The following LYST variants were observed in gnomAD, a reference collection of about 807,000 sequenced individuals.
LYST encodes lysosomal-trafficking regulator.
LYST carries 192 observed loss-of-function variants against 413.6 expected under a neutral mutation model. That is an observed-to-expected ratio of 0.46 (90% CI 0.41 to 0.52). LYST has a LOEUF of 0.52. LYST is among the 20% of genes least tolerant of loss of function. LYST has a pLI of 0.00. For missense variants in LYST, 3,815 were observed against 4,499.9 expected (o/e 0.85, Z 4.35); for synonymous variants, 1,525 against 1,567.3 (o/e 0.97, Z 0.64).
chr1:235,788,860 T>C lies in LYST; in HGVS notation c.4544-15A>G, dbSNP rs777265220. The stretch of plus-strand genomic sequence containing the variant: ...TCTGTCGCTCTCTATAAGAAAAAGA[T>C]GTTAGAATGATCAGTAAAATGGTTC... On this transcript the variant is annotated splice_polypyrimidine_tract_variant and intron_variant, in intron 12 of 52. Transcript: ENST00000389793. 1.9e-6 allele frequency: 3 copies of C among 1,612,382 alleles called. No homozygotes were observed. Among genetic ancestry groups the C allele is most frequent in the East Asian group, 2.2e-5 (1 of 44,802 alleles).
rs769758903 is a variant in LYST at position 235,674,681 on chromosome 1, T to C, written c.11038+2410A>G. On this transcript the variant is annotated intron_variant, in intron 50 of 52. Coordinates refer to ENST00000389793, the MANE Select transcript of LYST (RefSeq NM_000081.4). The surrounding 1 kb of genome is among the most constrained non-coding windows in gnomAD (Gnocchi z 4.1). The stretch of plus-strand genomic sequence containing the variant: ...CTACCAGTCAGATGGCTTAGGAAAA[T>C]AGAATAGCCCTTAACATAATATTGG... Among the ~76,000 whole-genome samples, 22 of 152,108 alleles carry C rather than the reference T, an allele frequency of 1.4e-4. No homozygotes were observed. The highest frequency in any genetic ancestry group is 2.5e-4 in the Non-Finnish European group (17 of 67,978).
rs574759874 is a variant in LYST at position 235,720,723 on chromosome 1, G to C, written c.9498C>G (p.Phe3166Leu). The C allele has an allele frequency of 1.4e-5, 23 of 1,613,600 alleles. No homozygotes were observed. The highest frequency in any genetic ancestry group is 3.3e-5 in the Admixed American group (2 of 60,028). ...SFNDLMQYPV[F>L]PFILADYVSE... Reference sequence around the variant, plus strand: ...TAACGTAGTCAGCAAGTATAAATGGGAACACAGGATACTGCATGAGATCAT... The same window carrying C: ...TAACGTAGTCAGCAAGTATAAATGGCAACACAGGATACTGCATGAGATCAT... Residue 3166 changes from phenylalanine (F) to leucine (L), a missense_variant, in exon 40 of 53, where the codon TTC becomes TTG. This residue lies in a region of LYST where 866 missense variants were observed against 1,156.0 expected (regional missense o/e 0.75). Coordinates refer to ENST00000389793, the MANE Select transcript of LYST (RefSeq NM_000081.4).
intron 31 of LYST, chr1:235,738,302 G>T: frequency 6.2e-7 from 1 of 1,611,836 alleles, no homozygotes. Context: ...CACATCGCAA[G>T]AGGGAGAAAG....
rs1024539240 is a variant in LYST, at chr1:235,802,207, A to C, written c.3712+701T>G. ...AGACTCCATTTCAAAAAAAAAAAAA[A>C]AAAAAAAAAAAAACTAGCAGTACTG... On this transcript the variant is annotated intron_variant, in intron 8 of 52. Transcript: ENST00000389793. Among the ~76,000 whole-genome samples, 10 of 150,732 alleles carry C rather than the reference A, an allele frequency of 6.6e-5. No individual in the cohort carries two copies. In the East Asian group the frequency reaches 1.4e-3, roughly 20 times the overall value.
chr1:235,799,472 C>T (rs1361560334), intron 10 of LYST, among the ~76,000 whole-genome samples: 1 of 152,124 alleles, frequency 6.6e-6, no homozygotes, highest in Admixed American at 6.6e-5. Flanking sequence ...TATCATAAGT[C>T]CTTTTGATAT....
At chr1:235,716,867 G>A in intron 40 of LYST, 89 bp from the exon 41 acceptor site, 1 of 752,782 alleles carries the variant, frequency 1.3e-6, no homozygotes, top group Non-Finnish European at 2.4e-6. Context: ...AAGTAGGTAA[G>A]TGGTCAACAA....
chr1:235,724,799 T>C (rs1314464320), intron 38 of LYST, among the ~76,000 whole-genome samples: 2 of 152,234 alleles, frequency 1.3e-5, no homozygotes, highest in Admixed American at 6.5e-5. Flanking sequence ...GGTTGGCTTC[T>C]TTTACTAAGC....
rs1032833880 is a variant in LYST, at chr1:235,822,440, T to C, written c.192+7786A>G. Among the ~76,000 whole-genome samples, 12 of 152,340 alleles carry C rather than the reference T, an allele frequency of 7.9e-5. No individual in the cohort carries two copies. In the East Asian group the frequency reaches 2.1e-3, roughly 27 times the overall value. On this transcript the variant is annotated intron_variant, in intron 3 of 52. Transcript: ENST00000389793. ...CTTACTCCTATCTCATTATTGTATATAGGGCATATGCGGAGCAGATAACCT... is the reference window on the plus strand; with the variant it reads ...CTTACTCCTATCTCATTATTGTATACAGGGCATATGCGGAGCAGATAACCT...
rs995818869 is a variant in LYST, at chr1:235,705,230, C to T, written c.10144-2253G>A. ...AATTCAGAGTCTCTGCACTTAATCG[C>T]CATACTTTGTTTTGCCCCATTAAAT... On this transcript the variant is annotated intron_variant, in intron 44 of 52. Transcript: ENST00000389793. Among the ~76,000 whole-genome samples, 3 of 152,108 alleles carry T rather than the reference C, an allele frequency of 2.0e-5. No individual in the cohort carries two copies. The East Asian group carries it at 5.8e-4, about 29-fold the overall frequency.
chr1:235,724,005 T>C lies in LYST; in HGVS notation c.9315+23A>G, dbSNP rs770018136. 8.7e-6 allele frequency: 14 copies of C among 1,601,206 alleles called. No individual in the cohort carries two copies. In the Admixed American group the frequency reaches 2.3e-4, roughly 27 times the overall value. On this transcript the variant is annotated intron_variant, in intron 39 of 52. Coordinates refer to ENST00000389793, the MANE Select transcript of LYST (RefSeq NM_000081.4). The stretch of plus-strand genomic sequence containing the variant: ...CCCATGAGCACTTAAACAATATATA[T>C]CAATTAATAAGGGTGAATTTACCTT...
At position 235,753,224 on chromosome 1, in the gene LYST, A is replaced by G. The variant is rs1342845950; in HGVS notation, c.7280T>C (p.Val2427Ala). 1 of 1,610,816 alleles carries G rather than the reference A, an allele frequency of 6.2e-7. No homozygotes were observed. Among genetic ancestry groups the G allele is most frequent in the South Asian group, 1.1e-5 (1 of 91,006 alleles). Reference protein sequence around the residue: ...RNMGLFQKWSVIPILGLIETS... With the variant: ...RNMGLFQKWSAIPILGLIETS... ...CTCTATTAGTCCCAGAATAGGAATG[A>G]CAGACCACTTCTGAAACAATCCCAT... Residue 2427 changes from valine to alanine, a missense_variant, in exon 26 of 53, where the codon GTC (valine) becomes GCC (alanine). Coordinates refer to ENST00000389793, the MANE Select transcript of LYST (RefSeq NM_000081.4).
intron 43 of LYST, among the ~76,000 whole-genome samples, chr1:235,710,741 G>A (rs190723335): frequency 1.1e-4 from 16 of 152,322 alleles, no homozygotes; most frequent in Admixed American, 2.0e-4. Flanking sequence ...AGAATACAGT[G>A]GAAGTGATGC....
chr1:235,829,570 TA>T (rs1352902335), intron 3 of LYST: 2 of 152,192 alleles, frequency 1.3e-5, no homozygotes, highest in East Asian at 3.8e-4. Context: ...AATAAAGATA[TA>T]AATCACATTT....
In LYST at chr1:235,808,460, T is replaced by C. The variant is rs1416682704; in HGVS notation, c.2358A>G (p.Lys786=). 6.2e-7 allele frequency: 1 copy of C among 1,611,158 alleles called. No individual in the cohort carries two copies. The highest frequency in any genetic ancestry group is 1.7e-5 in the Admixed American group (1 of 59,784). ...CCACCCACACACATACAAACCTGGA[T>C]TTAAGCAGGATAGGCAGAGTTTTTA... The part of the protein sequence containing the change: ...IYVKTLPILL[K]SRVIRDLFLS... The change falls in exon 5 of 53, where the codon AAA becomes AAG. Residue 786 remains lysine, a synonymous_variant. Transcript: ENST00000389793.
intron 47 of LYST, among the ~76,000 whole-genome samples, chr1:235,692,585 T>C (rs1165298217): frequency 3.3e-5 from 5 of 151,862 alleles, no homozygotes; most frequent in African/African-American, 1.2e-4. Flanking sequence ...GTTTTCCCCG[T>C]GTTGGCCAGG....
intron 39 of LYST, among the ~76,000 whole-genome samples, chr1:235,722,485 G>A (rs543507497): frequency 1.3e-5 from 2 of 152,016 alleles, no homozygotes; most frequent in East Asian, 3.9e-4. Flanking sequence ...CAAGTTTTTT[G>A]TTTTGTTTTG....
At chr1:235,679,811 C>T (rs549861092) in intron 48 of LYST, among the ~76,000 whole-genome samples, 1 of 152,244 alleles carries the variant, frequency 6.6e-6, no homozygotes, top group African/African-American at 2.4e-5. Context: ...TGGCACTCCC[C>T]AGCTTGCTTA....
chr1:235,794,068 GGT>G (rs1558255028), intron 10 of LYST, among the ~76,000 whole-genome samples: 1 of 151,966 alleles, frequency 6.6e-6, no homozygotes, highest in Non-Finnish European at 1.5e-5. Context: ...CCTGACCTCA[GGT>G]GATCCACCTG....
chr1:235,777,328 A>G lies in LYST; in HGVS notation c.5215-20T>C. On this transcript the variant is annotated intron_variant, in intron 16 of 52. Transcript: ENST00000389793. Reference sequence around the variant, plus strand: ...ACTTTCCTGAAATACAAATATTTTCATTCAGTAATGACAACAAGTTTAAAA... The same window carrying G: ...ACTTTCCTGAAATACAAATATTTTCGTTCAGTAATGACAACAAGTTTAAAA... 1 of 1,607,702 alleles carries G rather than the reference A, an allele frequency of 6.2e-7. No individual in the cohort carries two copies. The highest frequency in any genetic ancestry group is 1.1e-5 in the South Asian group (1 of 90,766).
Sources: gnomAD v4.1 joint callset for allele counts (sites outside exome capture counted in the v4.1 genomes callset) on GRCh38, gnomAD v4.1.1 for gene constraint, gnomAD v4.1.1 regional missense constraint, Gnocchi (gnomAD v3.1) non-coding constraint, MANE v1.5 for transcripts, NCBI Gene and HGNC (gene_info 2026-07-23, HGNC 2026-07-21) for gene names.